The following KIF21B variants were observed in gnomAD, a reference collection of about 807,000 sequenced individuals.
KIF21B encodes the protein kinesin-like protein KIF21B.
Under a neutral mutation model 192.9 loss-of-function variants are expected in KIF21B, and 85 were observed. The observed-to-expected ratio is 0.44, with a 90% CI of 0.37 to 0.53. The LOEUF (loss-of-function observed/expected upper bound fraction) is 0.53. Ranked by LOEUF, KIF21B falls within the 20% of genes least tolerant of loss-of-function variation. The pLI is 0.00. For synonymous variants in KIF21B, 832 were observed against 884.6 expected (o/e 0.94, Z 1.05); for missense variants, 1,716 against 2,194.8 (o/e 0.78, Z 4.36).
At position 200,987,040 on chromosome 1, in the gene KIF21B, G is replaced by A. The variant is rs781743966; in HGVS notation, c.3570C>T (p.Asp1190=). 22 of 1,613,896 alleles carry A rather than the reference G, an allele frequency of 1.4e-5. No homozygotes were observed. The highest frequency in any genetic ancestry group is 1.8e-5 in the Non-Finnish European group (21 of 1,180,010). The change falls in exon 25 of 35, where the codon GAC becomes GAT. Residue 1190 remains aspartate (D), a synonymous_variant. Transcript: ENST00000461742. ...GCAGACTGACGGTGCGCGAGACCCT[G>A]TCCCGGTAATAGGGGTCTCGGACAG... The part of the protein sequence containing the change: ...GFSVRDPYYR[D]RVSRTVSLPT...
Position 200,979,603 on chromosome 1 carries a change from G to T in KIF21B, c.4092C>A (p.Phe1364Leu). 6.3e-7 allele frequency: 1 copy of T among 1,592,674 alleles called. No individual in the cohort carries two copies. Among genetic ancestry groups the T allele is most frequent in the Non-Finnish European group, 8.5e-7 (1 of 1,169,872 alleles). Reference protein sequence around the residue: ...IKYCSHSGLVFSVSTSYIKVW... With the variant: ...IKYCSHSGLVLSVSTSYIKVW... ...CCTTGATGTAGGAGGTGGACACGGA[G>T]AACACAAGCCCCGAGTGGCTGCAGT... Residue 1364 changes from phenylalanine (F) to leucine (L), a missense_variant, in exon 30 of 35, where the codon TTC (phenylalanine) becomes TTA (leucine). This residue lies in a region of KIF21B where 580 missense variants were observed against 775.5 expected (regional missense o/e 0.75). Coordinates refer to ENST00000461742, the MANE Select transcript of KIF21B (RefSeq NM_001252102.2).
chr1:200,999,405 T>G lies in KIF21B; in HGVS notation c.1829A>C (p.Glu610Ala). Residue 610 changes from glutamate (E) to alanine (A), a missense_variant, in exon 13 of 35, where the codon GAG becomes GCG. Glu to Ala is a moderately radical substitution (Grantham distance 107). Around this residue, in one of 3 missense-constraint regions of KIF21B, gnomAD observed 1,087 missense variants for 1,316.6 expected, o/e 0.83. Coordinates refer to ENST00000461742, the MANE Select transcript of KIF21B (RefSeq NM_001252102.2). The surrounding 1 kb of genome is among the most constrained non-coding windows in gnomAD (Gnocchi z 4.7). Reference sequence around the variant, plus strand: ...CAGGCTCTCTTCACTGCCCGAGTCCTCATCTTCATCCTCGCGCCCTTCCTC... The same window carrying G: ...CAGGCTCTCTTCACTGCCCGAGTCCGCATCTTCATCCTCGCGCCCTTCCTC... ...EEEEGREDED[E>A]DSGSEESLVD... 6.2e-7 allele frequency: 1 copy of G among 1,614,124 alleles called. No individual in the cohort carries two copies.
Position 200,996,226 on chromosome 1 carries a change from C to T in KIF21B, c.2247G>A (p.Gln749=). ...CCTTCTTCATCTCAGCCACCTCGGC[C>T]TGTAGCTTCTTCAGCTCCCTCTCGT... ...SRYERELKKL[Q]AEVAEMKKAK... The change falls in exon 15 of 35, where the codon CAG becomes CAA. Residue 749 remains glutamine (Q), a synonymous_variant. Transcript: ENST00000461742. 1.2e-6 allele frequency: 2 copies of T among 1,613,690 alleles called. No individual in the cohort carries two copies. The highest frequency in any genetic ancestry group is 1.7e-6 in the Non-Finnish European group (2 of 1,180,050).
intron 34 of KIF21B, chr1:200,974,022 A>G (rs1571904227): frequency 6.4e-7 from 1 of 1,572,402 alleles, no homozygotes; most frequent in Middle Eastern, 1.7e-4. Context: ...AGCAGCTCAG[A>G]TCGAAGTGGG....
In KIF21B at chr1:200,999,288, C is replaced by G; in HGVS notation, c.1885+61G>C. On this transcript the variant is annotated intron_variant, in intron 13 of 34. Coordinates refer to ENST00000461742, the MANE Select transcript of KIF21B (RefSeq NM_001252102.2). The surrounding 1 kb of genome is among the most constrained non-coding windows in gnomAD (Gnocchi z 4.7). ...TATCTTTGAGCAGGGCCCGACCCCACACTTGGGCACTGGCAGCCAGGCATT... is the reference window on the plus strand; with the variant it reads ...TATCTTTGAGCAGGGCCCGACCCCAGACTTGGGCACTGGCAGCCAGGCATT... 1.9e-6 allele frequency: 3 copies of G among 1,607,300 alleles called. No individual in the cohort carries two copies. The highest frequency in any genetic ancestry group is 2.6e-6 in the Non-Finnish European group (3 of 1,174,518).
intron 17 of KIF21B, 102 bp downstream of exon 17, chr1:200,991,555 G>A (rs908520839): frequency 6.6e-6 from 8 of 1,204,136 alleles, no homozygotes; most frequent in Admixed American, 1.8e-5. Flanking sequence ...TTATTCCACC[G>A]CCAGGAAGTT....
intron 17 of KIF21B, among the ~76,000 whole-genome samples, 163 bp from the exon 18 acceptor site, chr1:200,991,312 T>C (rs981400167): frequency 1.3e-5 from 2 of 152,232 alleles, no homozygotes; most frequent in African/African-American, 2.4e-5. Flanking sequence ...TGATGTGACA[T>C]GCACACAAAA....
chr1:200,988,556 CGGGAGGGA>C lies in KIF21B; in HGVS notation c.3299-20_3299-13del. On this transcript the variant is annotated splice_polypyrimidine_tract_variant and intron_variant, in intron 22 of 34. Coordinates refer to ENST00000461742, the MANE Select transcript of KIF21B (RefSeq NM_001252102.2). ...GGCGTAGCCATTCTCTGTGGGAGGG[CGGGAGGGA>C]GGGAAAGGGGTTGAGAAGCCCTGTC... 2.5e-5 allele frequency: 7 copies of C among 282,464 alleles called. No individual in the cohort carries two copies. Among genetic ancestry groups the C allele is most frequent in the Non-Finnish European group, 3.9e-5 (6 of 153,168 alleles). 17.5% of individuals were successfully genotyped at this position (282,464 alleles called of 1,614,324 possible). A position where few individuals can be genotyped will look rare whatever the true frequency, so the allele number is the denominator to read the frequency against.
In KIF21B at chr1:200,982,942, G is replaced by A. The variant is rs867061979; in HGVS notation, c.3842+114C>T. The stretch of plus-strand genomic sequence containing the variant: ...GGGGCAGCAGGAAGGGGAGTGGAGG[G>A]GCCGCATGCTGAGGACACGGGTGTC... On this transcript the variant is annotated intron_variant, in intron 28 of 34. Transcript: ENST00000461742. This position sits in a 1 kb window ranked among gnomAD's most constrained non-coding sequence, Gnocchi z 4.7. 3.3e-6 allele frequency: 3 copies of A among 899,290 alleles called. No individual in the cohort carries two copies. The South Asian group carries it at 4.2e-5, about 13-fold the overall frequency. 55.7% of individuals were successfully genotyped at this position (899,290 alleles called of 1,614,324 possible).
At chr1:200,974,381 G>C (rs1655404706) in intron 34 of KIF21B, among the ~76,000 whole-genome samples, 1 of 152,116 alleles carries the variant, frequency 6.6e-6, no homozygotes, top group African/African-American at 2.4e-5. Flanking sequence ...GCGTGGTCTG[G>C]GGCTGGCAGG....
intron 29 of KIF21B, among the ~76,000 whole-genome samples, chr1:200,980,439 A>G (rs1253732454): frequency 6.6e-6 from 1 of 152,238 alleles, no homozygotes; most frequent in Non-Finnish European, 1.5e-5. Flanking sequence ...TTGTAGAGAC[A>G]GGATCTCACT....
At chr1:200,978,163 C>T (rs969425797) in intron 30 of KIF21B, among the ~76,000 whole-genome samples, 7 of 152,004 alleles carry the variant, frequency 4.6e-5, no homozygotes, top group Admixed American at 1.3e-4. Flanking sequence ...AATTCTCCTG[C>T]CTCAGCCTCC....
intron 1 of KIF21B, among the ~76,000 whole-genome samples, chr1:201,013,487 G>A (rs930247816): frequency 3.3e-5 from 5 of 152,142 alleles, no homozygotes; most frequent in African/African-American, 1.2e-4. Flanking sequence ...CTCCCTGGGG[G>A]CATGGGAGGG....
rs1268775654 is a variant in KIF21B, at chr1:200,979,492, C to T, written c.4160+43G>A. ...CTGGGAGCATCTGTACCCAACACAG[C>T]CTGCTGCAGCCGACCACTGTGAGGC... On this transcript the variant is annotated intron_variant, in intron 30 of 34. Transcript: ENST00000461742. 3 of 1,473,844 alleles carry T rather than the reference C, an allele frequency of 2.0e-6. No homozygotes were observed. In the East Asian group the frequency reaches 7.7e-5, roughly 38 times the overall value. The allele number at this position is 1,473,844 out of a possible 1,614,324, so 91.3% of individuals were successfully genotyped here.
At chr1:201,004,719 G>T (rs1657702193) in intron 6 of KIF21B, 47 bp downstream of exon 6, 2 of 1,611,710 alleles carry the variant, frequency 1.2e-6, no homozygotes, top group East Asian at 2.2e-5. Flanking sequence ...AGGGGTCTGA[G>T]ACTGAGCTGT....
Position 200,974,923 on chromosome 1 carries a change from G to T in KIF21B, c.4615-10C>A, listed in dbSNP as rs748498778. Reference sequence around the variant, plus strand: ...GCGCATTGGGGATTTGCTGTGAGAGGATCAGGGCTGGTGAGGGCTGGGGGA... The same window carrying T: ...GCGCATTGGGGATTTGCTGTGAGAGTATCAGGGCTGGTGAGGGCTGGGGGA... On this transcript the variant is annotated splice_polypyrimidine_tract_variant and intron_variant, in intron 33 of 34. Coordinates refer to ENST00000461742, the MANE Select transcript of KIF21B (RefSeq NM_001252102.2). The T allele has an allele frequency of 1.4e-5, 22 of 1,612,816 alleles. No homozygotes were observed. The highest frequency in any genetic ancestry group is 1.7e-5 in the Non-Finnish European group (20 of 1,179,882).
Position 200,993,900 on chromosome 1 carries a change from G to A in KIF21B, c.2278-1511C>T, listed in dbSNP as rs138956780. ...GTTGGGGTGAATCTGCAGAGAAGAG[G>A]AGGGATTGCTTGCTGCTGGGGCTTT... On this transcript the variant is annotated intron_variant, in intron 15 of 34. Coordinates refer to ENST00000461742, the MANE Select transcript of KIF21B (RefSeq NM_001252102.2). 1.7e-3 allele frequency among the ~76,000 whole-genome samples: 266 copies of A among 152,272 alleles called. 2 individuals are homozygous for A. Among genetic ancestry groups the A allele is most frequent in the African/African-American group, 5.9e-3 (245 of 41,544 alleles).
chr1:201,021,691 G>T (rs1658835022), intron 1 of KIF21B, among the ~76,000 whole-genome samples: 1 of 152,160 alleles, frequency 6.6e-6, no homozygotes, highest in Non-Finnish European at 1.5e-5. Context: ...CTGAACAGAG[G>T]TAGGGGGCCT....
At chr1:200,993,888 T>C (rs546235161) in intron 15 of KIF21B, among the ~76,000 whole-genome samples, 7 of 152,180 alleles carry the variant, frequency 4.6e-5, no homozygotes, top group African/African-American at 1.7e-4. Context: ...GGGGTGAATC[T>C]GCAGAGAAGA....
Sources: allele counts gnomAD v4.1 joint callset (sites outside exome capture counted in the v4.1 genomes callset), GRCh38; gene constraint gnomAD v4.1.1; regional missense constraint gnomAD v4.1.1; non-coding constraint Gnocchi (gnomAD v3.1); transcripts MANE v1.5; gene names NCBI Gene and HGNC (gene_info 2026-07-23, HGNC 2026-07-21).